NRK: variants seen among roughly 807,000 people sequenced by gnomAD.
The protein encoded by NRK is nik-related protein kinase.
NRK carries 67 observed loss-of-function variants against 125.2 expected under a neutral mutation model. The observed-to-expected ratio is 0.54, with a 90% CI of 0.44 to 0.66. NRK has a LOEUF of 0.66. Among genes scored for constraint, NRK ranks in the 30% least tolerant of loss-of-function variants. The pLI is 0.00. For missense variants in NRK, 1,224 were observed against 1,192.9 expected, an observed-to-expected ratio of 1.03 and a Z score of -0.38; for synonymous variants, 458 against 429.0, an observed-to-expected ratio of 1.07 and a Z score of -0.84.
rs1300883575 is a variant in NRK at position 105,923,571 on chromosome X, A to G, written c.2975+89A>G. The G allele has an allele frequency of 5.2e-6, 3 of 579,363 alleles. No individual in the cohort carries two copies. The African/African-American group carries it at 7.0e-5, about 14-fold the overall frequency. 47.7% of individuals were successfully genotyped at this position (579,363 alleles called of 1,213,427 possible). A position where few individuals can be genotyped will look rare whatever the true frequency, so the allele number is the denominator to read the frequency against. ...GGTTTATTTTCAAAATTTATTACCA[A>G]GAGAGTGACCTAATTTCACTTGCAT... On this transcript the variant is annotated intron_variant, in intron 18 of 28. Coordinates refer to ENST00000243300, the MANE Select transcript of NRK (RefSeq NM_198465.4).
rs769817702 is a variant in NRK at position 105,875,882 on chromosome X, TAAG to T, written c.124-4314_124-4312del. On this transcript the variant is annotated intron_variant, in intron 2 of 28. Transcript: ENST00000243300. ...ATTTAAGCAGCAGTTGCTTTTACGA[TAAG>T]AATGAGAGCTAAGAGAATTTTTTTC... Among the ~76,000 whole-genome samples the T allele has an allele frequency of 9.9e-5, 11 of 111,216 alleles. No individual in the cohort carries two copies. In the East Asian group the frequency reaches 3.1e-3, roughly 31 times the overall value.
At chrX:105,886,339 GAC>G (rs996559764) in intron 4 of NRK, among the ~76,000 whole-genome samples, 24 of 105,720 alleles carry the variant, frequency 2.3e-4, no homozygotes, top group South Asian at 1.7e-3. Flanking sequence ...TTTTTTAAAT[GAC>G]ACACACACAC....
At chrX:105,883,912 G>T (rs1035484687) in intron 4 of NRK, among the ~76,000 whole-genome samples, 1 of 112,768 alleles carries the variant, frequency 8.9e-6, no homozygotes. Flanking sequence ...GCGGTGCCAG[G>T]TATTGTTACT....
At chrX:105,844,882 T>G (rs761438322) in intron 2 of NRK, among the ~76,000 whole-genome samples, 2 of 112,194 alleles carry the variant, frequency 1.8e-5, no homozygotes, top group Non-Finnish European at 3.8e-5. Context: ...TATCTGCCTC[T>G]CAGCAGCTGG....
intron 2 of NRK, among the ~76,000 whole-genome samples, chrX:105,864,386 G>C (rs1376563652): frequency 9.0e-6 from 1 of 111,034 alleles, no homozygotes; most frequent in Admixed American, 9.7e-5. Flanking sequence ...TCTCCCTCTT[G>C]TTTGAGCTGG....
chrX:105,948,194 G>A (rs1454093560), intron 26 of NRK, among the ~76,000 whole-genome samples: 3 of 111,140 alleles, frequency 2.7e-5, no homozygotes, highest in African/African-American at 3.3e-5. Context: ...ATGTTGACCC[G>A]CGTGTTTCAC....
chrX:105,881,294 T>C (rs2147707820), intron 3 of NRK, among the ~76,000 whole-genome samples: 1 of 111,717 alleles, frequency 9.0e-6, no homozygotes, highest in African/African-American at 3.2e-5. Context: ...ACTTCTACTT[T>C]TTGAGTGATA....
chrX:105,909,040 G>A lies in NRK; in HGVS notation c.1399G>A (p.Ala467Thr). The change falls in exon 13 of 29, where the codon GCA (alanine) becomes ACA (threonine). Residue 467 changes from alanine (A) to threonine (T), a missense_variant. Coordinates refer to ENST00000243300, the MANE Select transcript of NRK (RefSeq NM_198465.4). ...ASKPLQMQIK[A>T]PPRLRRAARV... ...TAAACCTCTACAAATGCAGATTAAG[G>A]CACCTCCACGACTACGGAGGGCAGC... 1 of 1,210,635 alleles carries A rather than the reference G, an allele frequency of 8.3e-7. No homozygotes were observed. The highest frequency in any genetic ancestry group is 3.0e-5 in the East Asian group (1 of 33,740).
At chrX:105,941,551 CAGAA>C (rs1328981183) in intron 23 of NRK, among the ~76,000 whole-genome samples, 86 of 65,657 alleles carry the variant, frequency 1.3e-3, no homozygotes, top group African/African-American at 6.5e-3. Context: ...CAGAGAGAGA[CAGAA>C]AGAGAGAGAG....
At chrX:105,887,842 C>T (rs2039967244) in intron 4 of NRK, among the ~76,000 whole-genome samples, 1 of 111,714 alleles carries the variant, frequency 9.0e-6, no homozygotes, top group African/African-American at 3.3e-5. Context: ...TATGGGGTTT[C>T]CTTTTGGAGT....
At chrX:105,877,214 A>T (rs1028861166) in intron 2 of NRK, among the ~76,000 whole-genome samples, 1 of 111,461 alleles carries the variant, frequency 9.0e-6, no homozygotes, top group African/African-American at 3.3e-5. Context: ...GTTGAGGGAT[A>T]TTCTACAAAA....
intron 2 of NRK, among the ~76,000 whole-genome samples, chrX:105,869,362 G>T (rs2039712702): frequency 9.0e-6 from 1 of 111,259 alleles, no homozygotes; most frequent in Non-Finnish European, 1.9e-5. Flanking sequence ...TAGACCCTAA[G>T]GGCCTTGTAC....
chrX:105,880,197 A>G lies in NRK; in HGVS notation c.124-2A>G. 9.6e-7 allele frequency: 1 copy of G among 1,041,834 alleles called. No individual in the cohort carries two copies. Among genetic ancestry groups the G allele is most frequent in the Non-Finnish European group, 1.3e-6 (1 of 772,840 alleles). 85.9% of individuals were successfully genotyped at this position (1,041,834 alleles called of 1,213,427 possible). ...GATATTTATCACTATCCTGTATTTC[A>G]GGGACTTCATGAGAAGACTGGTGCA... is the stretch of plus-strand genomic sequence containing the variant. On this transcript the variant is annotated splice_acceptor_variant, in intron 2 of 28. Coordinates refer to ENST00000243300, the MANE Select transcript of NRK (RefSeq NM_198465.4). LOFTEE classifies it high-confidence loss of function.
intron 11 of NRK, chrX:105,907,621 A>C (rs2040236847): frequency 8.9e-6 from 1 of 112,162 alleles, no homozygotes; most frequent in African/African-American, 3.2e-5. Context: ...AGAATTGCAA[A>C]ATTTCCAAAA....
At chrX:105,898,196 C>T (rs904107746) in intron 7 of NRK, among the ~76,000 whole-genome samples, 3 of 112,026 alleles carry the variant, frequency 2.7e-5, no homozygotes, top group Non-Finnish European at 5.6e-5. Context: ...GCTTCCTGAT[C>T]AACTGCTAAT....
Position 105,831,134 on chromosome X carries a change from A to G in NRK, c.123+15A>G, listed in dbSNP as rs1175691673. On this transcript the variant is annotated intron_variant, in intron 2 of 28. Transcript: ENST00000243300. ...GAATCTATTTGGTAAGTTGACTTACATTATTTATTCATTCTTCATTTTCTA... is the reference window on the plus strand; with the variant it reads ...GAATCTATTTGGTAAGTTGACTTACGTTATTTATTCATTCTTCATTTTCTA... The G allele has an allele frequency of 1.2e-5, 12 of 997,748 alleles. No individual in the cohort carries two copies. Among genetic ancestry groups the G allele is most frequent in the Middle Eastern group, 2.6e-4 (1 of 3,850 alleles). The allele number at this position is 997,748 out of a possible 1,213,427, so 82.2% of individuals were successfully genotyped here.
rs139706803 is a variant in NRK at position 105,846,662 on chromosome X, G to C, written c.123+15543G>C. On this transcript the variant is annotated intron_variant, in intron 2 of 28. Transcript: ENST00000243300. Reference sequence around the variant, plus strand: ...CTTAGTGGAGACAGAGATAGAGCCAGAAACAACGTCACCATCTCTCAGCCC... The same window carrying C: ...CTTAGTGGAGACAGAGATAGAGCCACAAACAACGTCACCATCTCTCAGCCC... Among the ~76,000 whole-genome samples, 352 of 111,452 alleles carry C rather than the reference G, an allele frequency of 3.2e-3. No homozygotes were observed. In the South Asian group the frequency reaches 0.052, roughly 17 times the overall value.
At chrX:105,917,453 C>T in intron 15 of NRK, 125 bp from the exon 16 acceptor site, 1 of 340,411 alleles carries the variant, frequency 2.9e-6, no homozygotes, top group Non-Finnish European at 5.0e-6. Context: ...TCAAGTTATA[C>T]TTCTTTTTCA....
intron 15 of NRK, among the ~76,000 whole-genome samples, chrX:105,916,942 G>A (rs1391267486): frequency 2.7e-5 from 3 of 111,052 alleles, no homozygotes; most frequent in African/African-American, 9.8e-5. Flanking sequence ...GAAATTTGGG[G>A]CCATGGAAAA....
Sources: allele counts gnomAD v4.1 joint callset (sites outside exome capture counted in the v4.1 genomes callset), GRCh38; gene constraint gnomAD v4.1.1; transcripts MANE v1.5; gene names NCBI Gene and HGNC (gene_info 2026-07-23, HGNC 2026-07-21).